KDM2B: variants seen among roughly 807,000 people sequenced by gnomAD.
KDM2B encodes lysine demethylase 2B.
KDM2B carries 26 observed loss-of-function variants against 150.0 expected under a neutral mutation model. The observed-to-expected ratio is 0.17, with a 90% CI of 0.13 to 0.24. The LOEUF (loss-of-function observed/expected upper bound fraction) is 0.24, where lower values mean the gene tolerates loss of function less well. KDM2B is among the 10% of genes least tolerant of loss of function. The pLI is 1.00. For missense variants in KDM2B, 1,265 were observed against 1,816.9 expected (o/e 0.70, Z 5.52); for synonymous variants, 734 against 729.5 (o/e 1.01, Z -0.10).
At chr12:121,525,820 G>A (rs538703391) in intron 8 of KDM2B, among the ~76,000 whole-genome samples, 58 of 152,328 alleles carry the variant, frequency 3.8e-4, no homozygotes, top group African/African-American at 1.4e-3. Flanking sequence ...GGTCTTCAGT[G>A]GTTCTTTCTA....
chr12:121,424,617 A>G (rs1267959989), downstream of KDM2B, among the ~76,000 whole-genome samples: 1 of 151,334 alleles, frequency 6.6e-6, no homozygotes, highest in African/African-American at 2.4e-5. Flanking sequence ...AGGCTGAGGT[A>G]GGAGGATGGC....
chr12:121,493,099 G>A (rs1305073988), intron 12 of KDM2B, among the ~76,000 whole-genome samples: 1 of 115,548 alleles, frequency 8.7e-6, no homozygotes, highest in African/African-American at 3.5e-5. Context: ...GTAGAGATGA[G>A]TTCTCATTAT....
rs1255313789 is a variant in KDM2B, at chr12:121,504,364, G to A, written c.1647+5203C>T. 2.0e-5 allele frequency among the ~76,000 whole-genome samples: 3 copies of A among 152,098 alleles called. No individual in the cohort carries two copies. The East Asian group carries it at 5.8e-4, about 29-fold the overall frequency. On this transcript the variant is annotated intron_variant, in intron 11 of 22. Coordinates refer to ENST00000377071, the MANE Select transcript of KDM2B (RefSeq NM_032590.5). ...GGCATAAGCAACATAGCAAGACGTA[G>A]TCTCTACAAATAATGAAAAAATTAA... is the stretch of plus-strand genomic sequence containing the variant.
chr12:121,434,616 T>C (rs1304204129), intron 22 of KDM2B, among the ~76,000 whole-genome samples: 1 of 152,100 alleles, frequency 6.6e-6, no homozygotes, highest in African/African-American at 2.4e-5. Flanking sequence ...ATAAATAATC[T>C]TTTCAATAAA....
chr12:121,554,083 A>ACACG (rs1463154700), intron 4 of KDM2B, among the ~76,000 whole-genome samples: 5 of 147,372 alleles, frequency 3.4e-5, no homozygotes, highest in Non-Finnish European at 5.9e-5. Flanking sequence ...ACACACACAC[A>ACACG]CAAATTGGCC....
intron 12 of KDM2B, 77 bp downstream of exon 12, chr12:121,494,502 A>G: frequency 9.1e-7 from 1 of 1,094,050 alleles, no homozygotes; most frequent in East Asian, 2.6e-5. Flanking sequence ...CTACCCAAAA[A>G]GTCGCGGCTG....
intron 11 of KDM2B, among the ~76,000 whole-genome samples, chr12:121,496,166 T>G (rs1555300950): frequency 6.6e-6 from 1 of 152,036 alleles, no homozygotes; most frequent in African/African-American, 2.4e-5. Flanking sequence ...CCCCACTCTC[T>G]GGCACCAGAC....
At position 121,513,164 on chromosome 12, in the gene KDM2B, C is replaced by T; in HGVS notation, c.1174+112G>A. On this transcript the variant is annotated intron_variant, in intron 10 of 22. Coordinates refer to ENST00000377071, the MANE Select transcript of KDM2B (RefSeq NM_032590.5). The surrounding 1 kb of genome is among the most constrained non-coding windows in gnomAD (Gnocchi z 5.0). ...GGGGTTCCTAGGATTCTGCCCAATA[C>T]ACTGATTCAACGAATCCCCAAAACT... 7.9e-7 allele frequency: 1 copy of T among 1,271,520 alleles called. No individual in the cohort carries two copies. Among genetic ancestry groups the T allele is most frequent in the Admixed American group, 2.0e-5 (1 of 49,718 alleles). 78.8% of individuals were successfully genotyped at this position (1,271,520 alleles called of 1,614,324 possible).
At chr12:121,419,698 A>G in the KDM2B span, among the ~76,000 whole-genome samples, 12 of 152,320 alleles carry the variant, frequency 7.9e-5, no homozygotes, top group African/African-American at 2.9e-4. Context: ...TGTGTTTTCT[A>G]AAGTGTTCTG....
At chr12:121,540,998 C>T (rs955198300) in intron 6 of KDM2B, among the ~76,000 whole-genome samples, 3 of 151,668 alleles carry the variant, frequency 2.0e-5, no homozygotes, top group Admixed American at 6.6e-5. Flanking sequence ...TTTGGGAGGC[C>T]GAGGCGGGTG....
chr12:121,530,518 C>T (rs113112695), intron 8 of KDM2B, among the ~76,000 whole-genome samples: 22 of 151,656 alleles, frequency 1.5e-4, no homozygotes, highest in Admixed American at 5.9e-4. Flanking sequence ...AACTATGCTG[C>T]ACCCTCCCTC....
In KDM2B at chr12:121,575,092, TATTA is replaced by T. The variant is rs1891414657; in HGVS notation, c.351-503_351-500del. Among the ~76,000 whole-genome samples, 1 of 152,228 alleles carries T rather than the reference TATTA, an allele frequency of 6.6e-6. No individual in the cohort carries two copies. The highest frequency in any genetic ancestry group is 6.5e-5 in the Admixed American group (1 of 15,288). On this transcript the variant is annotated intron_variant, in intron 3 of 22. Transcript: ENST00000377071. This position sits in a 1 kb window ranked among gnomAD's most constrained non-coding sequence, Gnocchi z 4.4. ...TGTGGTAATATGGGCTACAATTCACTATTAATTAACAATGATGCCCAAGGTTTAA... is the reference window on the plus strand; with the variant it reads ...TGTGGTAATATGGGCTACAATTCACTATTAACAATGATGCCCAAGGTTTAA...
intron 12 of KDM2B, among the ~76,000 whole-genome samples, chr12:121,458,996 G>C (rs1266885901): frequency 6.7e-6 from 1 of 149,722 alleles, no homozygotes; most frequent in Non-Finnish European, 1.5e-5. Context: ...TGAGGCAGGA[G>C]ATTCACTTGA....
intron 12 of KDM2B, among the ~76,000 whole-genome samples, chr12:121,476,030 C>T (rs1198485172): frequency 2.6e-5 from 4 of 151,770 alleles, no homozygotes; most frequent in Non-Finnish European, 4.4e-5. Flanking sequence ...CACGGTGGCT[C>T]ACGCTTGTAA....
At chr12:121,578,356 G>C (rs1555317182) in intron 2 of KDM2B, among the ~76,000 whole-genome samples, 1 of 152,180 alleles carries the variant, frequency 6.6e-6, no homozygotes, top group Non-Finnish European at 1.5e-5. Flanking sequence ...CCCCAAGCGG[G>C]AACGGGATTG....
intron 4 of KDM2B, among the ~76,000 whole-genome samples, chr12:121,561,332 C>T (rs1454971389): frequency 6.6e-6 from 1 of 152,166 alleles, no homozygotes; most frequent in Non-Finnish European, 1.5e-5. Context: ...CTCCAGCATC[C>T]TCACATTTCT....
chr12:121,527,311 G>A (rs1195512191), intron 8 of KDM2B, among the ~76,000 whole-genome samples: 1 of 140,498 alleles, frequency 7.1e-6, no homozygotes, highest in Non-Finnish European at 1.5e-5. Context: ...GCCTCCCAAA[G>A]TGCTGGGATT....
At chr12:121,485,117 C>G (rs997847999) in intron 12 of KDM2B, among the ~76,000 whole-genome samples, 5 of 152,274 alleles carry the variant, frequency 3.3e-5, no homozygotes, top group South Asian at 2.1e-4. Flanking sequence ...TGCTGACACC[C>G]TGACCTTGGA....
At position 121,467,006 on chromosome 12, in the gene KDM2B, G is replaced by A. The variant is rs1389996350; in HGVS notation, c.1735-13662C>T. On this transcript the variant is annotated intron_variant, in intron 12 of 22. Coordinates refer to ENST00000377071, the MANE Select transcript of KDM2B (RefSeq NM_032590.5). This position sits in a 1 kb window ranked among gnomAD's most constrained non-coding sequence, Gnocchi z 5.1. The stretch of plus-strand genomic sequence containing the variant: ...TGCCGCGCTCCTCTACGCCCCGCTC[G>A]GGCCCGGCCCCGGCCGCCCCGCCGG... Among the ~76,000 whole-genome samples the A allele has an allele frequency of 6.7e-6, 1 of 148,382 alleles. No homozygotes were observed.
Sources: allele counts gnomAD v4.1 joint callset (sites outside exome capture counted in the v4.1 genomes callset), GRCh38; gene constraint gnomAD v4.1.1; non-coding constraint Gnocchi (gnomAD v3.1); transcripts MANE v1.5; gene names NCBI Gene and HGNC (gene_info 2026-07-23, HGNC 2026-07-21).